The following ANK3 variants were observed in gnomAD, a reference collection of about 807,000 sequenced individuals.
ANK3 encodes the protein ankyrin-3.
ANK3 carries 57 observed loss-of-function variants against 370.9 expected under a neutral mutation model. The observed-to-expected ratio is 0.15, with a 90% CI of 0.12 to 0.19. The LOEUF (loss-of-function observed/expected upper bound fraction) is 0.19. Among genes scored for constraint, ANK3 ranks in the 10% least tolerant of loss-of-function variants. ANK3 has a pLI of 1.00. For missense variants in ANK3, 4,439 were observed against 5,302.1 expected, an observed-to-expected ratio of 0.84 and a Z score of 5.06; for synonymous variants, 1,929 against 1,946.3, an observed-to-expected ratio of 0.99 and a Z score of 0.23.
chr10:60,378,734 C>A (rs2061149564), intron 1 of ANK3, among the ~76,000 whole-genome samples: 1 of 151,860 alleles, frequency 6.6e-6, no homozygotes, highest in South Asian at 2.1e-4. Context: ...ATATAAGACC[C>A]CAAATGATAA....
At chr10:60,529,524 C>G (rs1418787455) in intron 2 of ANK3, among the ~76,000 whole-genome samples, 1 of 152,038 alleles carries the variant, frequency 6.6e-6, no homozygotes, top group Non-Finnish European at 1.5e-5. Context: ...TGCACGCACT[C>G]CAGAGTGTTG....
intron 2 of ANK3, among the ~76,000 whole-genome samples, chr10:60,395,171 C>A (rs536120632): frequency 1.3e-5 from 2 of 152,180 alleles, no homozygotes; most frequent in South Asian, 2.1e-4. Flanking sequence ...ACATACAGAT[C>A]AAATATTTCT....
intron 23 of ANK3, among the ~76,000 whole-genome samples, chr10:60,142,891 T>C (rs1180490867): frequency 2.0e-5 from 3 of 152,182 alleles, no homozygotes; most frequent in South Asian, 4.1e-4. Context: ...AGCTGTACCA[T>C]GTATTGACTG....
intron 42 of ANK3, among the ~76,000 whole-genome samples, chr10:60,045,215 A>G (rs2076749539): frequency 6.6e-6 from 1 of 152,252 alleles, no homozygotes; most frequent in Non-Finnish European, 1.5e-5. Context: ...GGCATTGACA[A>G]AATTATCAGA....
intron 2 of ANK3, among the ~76,000 whole-genome samples, chr10:60,596,020 T>C (rs138090334): frequency 6.6e-6 from 1 of 152,278 alleles, no homozygotes; most frequent in African/African-American, 2.4e-5. Context: ...CTTGAGGCTC[T>C]TAACCTTTTT....
intron 1 of ANK3, among the ~76,000 whole-genome samples, chr10:60,341,800 A>C (rs2054344917): frequency 6.6e-6 from 1 of 152,204 alleles, no homozygotes; most frequent in South Asian, 2.1e-4. Flanking sequence ...TTTAGGTTAA[A>C]AATGTTTAGA....
intron 1 of ANK3, among the ~76,000 whole-genome samples, chr10:60,701,777 A>G (rs2079548400): frequency 6.6e-6 from 1 of 152,194 alleles, no homozygotes; most frequent in African/African-American, 2.4e-5. Context: ...ACAAAACAAC[A>G]AAAAATAAAA....
intron 4 of ANK3, among the ~76,000 whole-genome samples, chr10:60,273,214 TC>T (rs1267171558): frequency 6.6e-6 from 1 of 152,220 alleles, no homozygotes; most frequent in African/African-American, 2.4e-5. Context: ...TTCATTGTTT[TC>T]CTTTTCCACA....
intron 1 of ANK3, among the ~76,000 whole-genome samples, chr10:60,658,127 T>C (rs6479723): frequency 0.63 from 95,591 of 151,212 alleles, 30,497 homozygotes; most frequent in South Asian, 0.76. Context: ...ATTACTTGGT[T>C]CTTGCTTTTC....
intron 5 of ANK3, among the ~76,000 whole-genome samples, chr10:60,264,639 A>G (rs2097852579): frequency 1.0e-5 from 1 of 97,432 alleles, no homozygotes; most frequent in Non-Finnish European, 2.5e-5. Context: ...TCTGTCAAAA[A>G]AAAAAAAGAA....
Position 60,389,637 on chromosome 10 carries a change from C to A in ANK3, c.-99G>T, listed in dbSNP as rs2062923947. The A allele has an allele frequency of 3.3e-6, 5 of 1,533,518 alleles. No homozygotes were observed. The East Asian group carries it at 1.1e-4, about 35-fold the overall frequency. The allele number at this position is 1,533,518 out of a possible 1,614,324, so 95.0% of individuals were successfully genotyped here. On this transcript the variant is annotated 5_prime_UTR_variant, in exon 1 of 44. Coordinates refer to ENST00000280772, the MANE Select transcript of ANK3 (RefSeq NM_020987.5). ...CAGGCTTACAGCAGCATTCCAATCA[C>A]TAGAGAGAAAGCTTTGACTAGAAGC...
intron 1 of ANK3, among the ~76,000 whole-genome samples, chr10:60,715,951 G>A (rs1195758885): frequency 2.0e-5 from 3 of 152,004 alleles, no homozygotes; most frequent in Non-Finnish European, 2.9e-5. Context: ...GGTAAATCTA[G>A]CTTCAACACT....
At chr10:60,633,085 T>C (rs2078506970) in intron 1 of ANK3, among the ~76,000 whole-genome samples, 1 of 152,220 alleles carries the variant, frequency 6.6e-6, no homozygotes, top group Non-Finnish European at 1.5e-5. Context: ...AAAAGTTATG[T>C]TTAAAATTTT....
At chr10:60,679,914 T>C (rs1182458485) in intron 1 of ANK3, among the ~76,000 whole-genome samples, 2 of 152,070 alleles carry the variant, frequency 1.3e-5, no homozygotes, top group Admixed American at 6.6e-5. Flanking sequence ...GGTGGGCGGA[T>C]CACTTGAGGT....
At position 60,418,571 on chromosome 10, in the gene ANK3, A is replaced by G. The variant is rs143826857; in HGVS notation, c.97-138932T>C. 2.3e-3 allele frequency among the ~76,000 whole-genome samples: 345 copies of G among 152,244 alleles called. 2 individuals carry two copies. The highest frequency in any genetic ancestry group is 7.9e-3 in the African/African-American group (327 of 41,560). ...AAGAAAATCTAACAACATAATAATAATATCAAAATAATAAATATAATGAAA... is the reference window on the plus strand; with the variant it reads ...AAGAAAATCTAACAACATAATAATAGTATCAAAATAATAAATATAATGAAA... On this transcript the variant is annotated intron_variant, in intron 2 of 43. Coordinates refer to the ANK3 transcript ENST00000373827.
intron 1 of ANK3, among the ~76,000 whole-genome samples, chr10:60,385,138 A>G (rs997753534): frequency 2.0e-5 from 3 of 152,176 alleles, no homozygotes; most frequent in African/African-American, 7.2e-5. Context: ...AAACTATGCA[A>G]GATGGCATAT....
chr10:60,543,653 T>TAC (rs1416561897), intron 2 of ANK3, among the ~76,000 whole-genome samples: 6 of 152,228 alleles, frequency 3.9e-5, no homozygotes, highest in African/African-American at 1.4e-4. Context: ...CCACTATTTA[T>TAC]ACATTTTTAT....
At chr10:60,570,629 A>G (rs1443537082) in intron 2 of ANK3, among the ~76,000 whole-genome samples, 2 of 152,204 alleles carry the variant, frequency 1.3e-5, no homozygotes, top group African/African-American at 4.8e-5. Flanking sequence ...CCCTATGGTC[A>G]GGAATTTGGT....
chr10:60,706,425 A>G (rs1362621907), intron 1 of ANK3, among the ~76,000 whole-genome samples: 3 of 152,080 alleles, frequency 2.0e-5, no homozygotes, highest in Non-Finnish European at 4.4e-5. Context: ...GACCAGAGAT[A>G]TTACAACCCC....
Sources: gnomAD v4.1 joint callset for allele counts (sites outside exome capture counted in the v4.1 genomes callset) on GRCh38, gnomAD v4.1.1 for gene constraint, MANE v1.5 for transcripts, NCBI Gene and HGNC (gene_info 2026-07-23, HGNC 2026-07-21) for gene names.